PRKG1: variants seen among roughly 807,000 people sequenced by gnomAD.
PRKG1 encodes protein kinase cGMP-dependent 1.
A neutral mutation model predicts 88.1 loss-of-function variants in PRKG1; 35 were observed. The ratio of observed to expected loss-of-function variants is 0.40; its 90% CI spans 0.30 to 0.53. The LOEUF (loss-of-function observed/expected upper bound fraction) is 0.53. PRKG1 is among the 20% of genes least tolerant of loss of function. The probability of loss-of-function intolerance (pLI) is 0.59; values close to 1 mark genes in which losing one functional copy is unlikely to be tolerated. For synonymous variants in PRKG1, 303 were observed against 292.5 expected (o/e 1.04, Z -0.37); for missense variants, 540 against 839.8 (o/e 0.64, Z 4.41).
chr10:52,156,711 T>C (rs1163142937), intron 8 of PRKG1, among the ~76,000 whole-genome samples: 2 of 151,792 alleles, frequency 1.3e-5, no homozygotes, highest in Non-Finnish European at 1.5e-5. Flanking sequence ...ATAAGAACAC[T>C]TGAAGCCACA....
At position 52,182,656 on chromosome 10, in the gene PRKG1, T is replaced by C. The variant is rs548652702; in HGVS notation, c.1076+20693T>C. On this transcript the variant is annotated intron_variant, in intron 9 of 17. Coordinates refer to ENST00000373980, the MANE Select transcript of PRKG1 (RefSeq NM_006258.4). ...CCAGTTTCAGCTTTCTCCATATGGC[T>C]AGCCAGTTTTCCCAGCACCATTTAT... 4.8e-5 allele frequency among the ~76,000 whole-genome samples: 7 copies of C among 145,456 alleles called. No homozygotes were observed. In the East Asian group the frequency reaches 1.4e-3, roughly 29 times the overall value.
chr10:51,757,894 T>G (rs7908711), intron 3 of PRKG1, among the ~76,000 whole-genome samples: 79,518 of 151,690 alleles, frequency 0.52, 21,635 homozygotes, highest in Middle Eastern at 0.64. Flanking sequence ...ATAAAAAGTG[T>G]CAGTCTCTTA....
Position 51,393,309 on chromosome 10 carries a change from C to T in PRKG1, c.479-74414C>T, listed in dbSNP as rs375437880. ...CTCACTTCCCAGATGGGATGGCGGC[C>T]GGGAAGAGGCGCTCCTCACTTCCTA... is the stretch of plus-strand genomic sequence containing the variant. On this transcript the variant is annotated intron_variant, in intron 2 of 17. Coordinates refer to ENST00000373980, the MANE Select transcript of PRKG1 (RefSeq NM_006258.4). Among the ~76,000 whole-genome samples the T allele has an allele frequency of 1.3e-3, 203 of 150,842 alleles. 1 individual carries two copies. Among genetic ancestry groups the T allele is most frequent in the African/African-American group, 4.0e-3 (162 of 40,792 alleles).
chr10:52,192,349 A>T (rs1839388318), intron 9 of PRKG1, among the ~76,000 whole-genome samples: 1 of 152,134 alleles, frequency 6.6e-6, no homozygotes, highest in Admixed American at 6.5e-5. Context: ...CTAAGTAAGT[A>T]TGGTCACTGC....
At chr10:52,057,283 C>T (rs1004128006) in intron 6 of PRKG1, among the ~76,000 whole-genome samples, 2 of 152,142 alleles carry the variant, frequency 1.3e-5, no homozygotes, top group Non-Finnish European at 2.9e-5. Context: ...TAAGCTTTGC[C>T]GTACTTGTTT....
chr10:51,277,453 T>A (rs1278729939), intron 2 of PRKG1, among the ~76,000 whole-genome samples: 2 of 151,744 alleles, frequency 1.3e-5, no homozygotes, highest in African/African-American at 4.8e-5. Flanking sequence ...GGGCTCTTTT[T>A]TGGTTCCATA....
In PRKG1 at chr10:51,331,582, T is replaced by C. The variant is rs144634502; in HGVS notation, c.479-136141T>C. Among the ~76,000 whole-genome samples the C allele has an allele frequency of 3.4e-3, 511 of 152,330 alleles. 1 individual carries two copies. The highest frequency in any genetic ancestry group is 4.2e-3 in the Non-Finnish European group (283 of 68,034). On this transcript the variant is annotated intron_variant, in intron 2 of 17. Coordinates refer to ENST00000373980, the MANE Select transcript of PRKG1 (RefSeq NM_006258.4). Reference sequence around the variant, plus strand: ...GTGCAACCTGAGGTTGGGGGAGGGATGATGTGAGTAATGCAAAATTGCCTT... The same window carrying C: ...GTGCAACCTGAGGTTGGGGGAGGGACGATGTGAGTAATGCAAAATTGCCTT...
At chr10:52,045,852 C>G (rs1014764536) in intron 5 of PRKG1, among the ~76,000 whole-genome samples, 5 of 152,022 alleles carry the variant, frequency 3.3e-5, no homozygotes, top group African/African-American at 1.2e-4. Context: ...TCCACATTTT[C>G]ACTCCTGGGG....
At chr10:51,514,522 C>T (rs996301979) in intron 3 of PRKG1, among the ~76,000 whole-genome samples, 17 of 152,134 alleles carry the variant, frequency 1.1e-4, no homozygotes, top group African/African-American at 3.9e-4. Context: ...GGAGTTTATT[C>T]CAAACTTAAA....
chr10:51,552,006 A>T (rs543757633), intron 3 of PRKG1, among the ~76,000 whole-genome samples: 1 of 151,728 alleles, frequency 6.6e-6, no homozygotes, highest in African/African-American at 2.4e-5. Context: ...AATCATTCTT[A>T]GTATTTGGCC....
intron 4 of PRKG1, among the ~76,000 whole-genome samples, chr10:51,829,666 A>G (rs985115670): frequency 6.6e-6 from 1 of 152,220 alleles, no homozygotes; most frequent in Non-Finnish European, 1.5e-5. Flanking sequence ...TTCTAAATAC[A>G]CGTGAACACA....
intron 3 of PRKG1, among the ~76,000 whole-genome samples, chr10:51,788,837 G>T (rs1276765436): frequency 6.6e-6 from 1 of 152,042 alleles, no homozygotes; most frequent in African/African-American, 2.4e-5. Flanking sequence ...TACAGCAGGG[G>T]GCTAATAGAC....
intron 8 of PRKG1, among the ~76,000 whole-genome samples, chr10:52,148,037 AT>A (rs1837781029): frequency 6.6e-6 from 1 of 152,008 alleles, no homozygotes. Flanking sequence ...AAGGTTAAAT[AT>A]TATTTTATGG....
intron 5 of PRKG1, among the ~76,000 whole-genome samples, chr10:52,018,937 C>T (rs562683347): frequency 3.3e-5 from 5 of 150,664 alleles, no homozygotes; most frequent in Admixed American, 1.3e-4. Context: ...CTTCGTGTTG[C>T]TAAAAAGGAA....
At chr10:51,670,735 CAAAA>C (rs1181738888) in intron 3 of PRKG1, among the ~76,000 whole-genome samples, 6,220 of 116,648 alleles carry the variant, frequency 0.053, 215 homozygotes, top group Middle Eastern at 0.1. Context: ...GACTCCGTCT[CAAAA>C]AAAAATAAAT....
At chr10:51,645,438 T>C (rs977815091) in intron 3 of PRKG1, among the ~76,000 whole-genome samples, 6 of 152,228 alleles carry the variant, frequency 3.9e-5, no homozygotes. Flanking sequence ...CAATTTCTCC[T>C]GAAAATCATT....
chr10:51,547,113 T>C (rs1001435297), intron 3 of PRKG1, among the ~76,000 whole-genome samples: 2 of 152,064 alleles, frequency 1.3e-5, no homozygotes, highest in Admixed American at 1.3e-4. Context: ...AGGTTTTATA[T>C]TCACCCTAAT....
At chr10:52,291,254 ATTTTT>A (rs56884749) in intron 17 of PRKG1, among the ~76,000 whole-genome samples, 1 of 150,482 alleles carries the variant, frequency 6.6e-6, no homozygotes, top group African/African-American at 2.4e-5. Context: ...TTATTTTTTT[ATTTTT>A]TTATTATTAT....
chr10:51,172,989 C>T (rs9415766), intron 2 of PRKG1, among the ~76,000 whole-genome samples: 9,964 of 151,988 alleles, frequency 0.066, 673 homozygotes, highest in African/African-American at 0.17. Context: ...AAATAATTAG[C>T]ATTTGAATCT....
Sources: allele counts gnomAD v4.1 joint callset (sites outside exome capture counted in the v4.1 genomes callset), GRCh38; gene constraint gnomAD v4.1.1; transcripts MANE v1.5; gene names NCBI Gene and HGNC (gene_info 2026-07-23, HGNC 2026-07-21).